BABAM2: variants seen among roughly 807,000 people sequenced by gnomAD.
BABAM2 encodes BRISC and BRCA1 A complex member 2, also known as BRISC and BRCA1-A complex member 2.
Under a neutral mutation model 54.7 loss-of-function variants are expected in BABAM2, and 31 were observed. The ratio of observed to expected loss-of-function variants is 0.57; its 90% CI spans 0.43 to 0.77. The LOEUF is 0.77. BABAM2 is among the 30% of genes least tolerant of loss of function. BABAM2 has a pLI of 0.00. For missense variants in BABAM2, 364 were observed against 455.8 expected (o/e 0.80, Z 1.83); for synonymous variants, 167 against 162.9 (o/e 1.03, Z -0.19).
At position 28,218,937 on chromosome 2, in the gene BABAM2, G is replaced by T. The variant is rs143037086; in HGVS notation, c.681-18265G>T. On this transcript the variant is annotated intron_variant, in intron 7 of 11. Coordinates refer to ENST00000379624, the MANE Select transcript of BABAM2 (RefSeq NM_199191.3). ...CACACACCATTACTGTCATTATTTT[G>T]CTGCATAAACAAAGCCTCATTTCAT... 8.5e-4 allele frequency among the ~76,000 whole-genome samples: 130 copies of T among 152,154 alleles called. 2 individuals carry two copies. In the East Asian group the frequency reaches 0.021, roughly 25 times the overall value.
intron 7 of BABAM2, among the ~76,000 whole-genome samples, chr2:28,175,626 A>G (rs1254655979): frequency 6.6e-6 from 1 of 152,182 alleles, no homozygotes; most frequent in Non-Finnish European, 1.5e-5. Flanking sequence ...GCTAACACAA[A>G]TGTGTGCCAC....
At chr2:28,169,023 T>G (rs192227155) in intron 7 of BABAM2, among the ~76,000 whole-genome samples, 19 of 152,334 alleles carry the variant, frequency 1.2e-4, no homozygotes, top group African/African-American at 4.6e-4. Context: ...TTAGCTCCAG[T>G]ATGTGTTATC....
chr2:28,056,945 T>C (rs1467186582), intron 6 of BABAM2, among the ~76,000 whole-genome samples: 1 of 152,248 alleles, frequency 6.6e-6, no homozygotes, highest in Non-Finnish European at 1.5e-5. Context: ...TATATTTTCC[T>C]CATAAGTCTC....
At chr2:28,203,475 G>A (rs1678496751) in intron 7 of BABAM2, among the ~76,000 whole-genome samples, 1 of 152,150 alleles carries the variant, frequency 6.6e-6, no homozygotes, top group African/African-American at 2.4e-5. Flanking sequence ...TCATCATACT[G>A]GTTAGTTGAT....
chr2:28,326,511 C>T (rs1013040105), intron 11 of BABAM2, among the ~76,000 whole-genome samples: 1 of 152,194 alleles, frequency 6.6e-6, no homozygotes, highest in Non-Finnish European at 1.5e-5. Context: ...TCGTTCCCAG[C>T]CCCAGCCCAG....
intron 4 of BABAM2, chr2:28,015,812 CT>C: frequency 1.0e-6 from 1 of 996,046 alleles, no homozygotes. Context: ...TCTCATGCTT[CT>C]TTTTCTGTTT....
At chr2:28,020,850 T>TC (rs575465541) in intron 4 of BABAM2, among the ~76,000 whole-genome samples, 56 of 151,638 alleles carry the variant, frequency 3.7e-4, no homozygotes, top group Non-Finnish European at 5.3e-4. Flanking sequence ...GTCTATAAAG[T>TC]CCCCCCCGTT....
At position 28,272,780 on chromosome 2, in the gene BABAM2, G is replaced by A. The variant is rs113846275; in HGVS notation, c.935-25558G>A. Among the ~76,000 whole-genome samples the A allele has an allele frequency of 2.7e-3, 409 of 152,292 alleles. 2 individuals carry two copies. The Middle Eastern group carries it at 0.027, about 10-fold the overall frequency. ...CCAAGAAAGCCCACAGTGGGATAGGGACTTCCGAGGGTTCTGTGGGAATCA... is the reference window on the plus strand; with the variant it reads ...CCAAGAAAGCCCACAGTGGGATAGGAACTTCCGAGGGTTCTGTGGGAATCA... On this transcript the variant is annotated intron_variant, in intron 10 of 11. Transcript: ENST00000379624.
chr2:28,276,359 G>T (rs981924730), intron 10 of BABAM2, among the ~76,000 whole-genome samples: 2 of 151,984 alleles, frequency 1.3e-5, no homozygotes, highest in Non-Finnish European at 2.9e-5. Context: ...CTGTGACTCA[G>T]CTCTCATTTA....
chr2:28,110,799 GCGATCCCATTTTACA>G (rs922759159), intron 6 of BABAM2, among the ~76,000 whole-genome samples: 28 of 152,114 alleles, frequency 1.8e-4, no homozygotes, highest in African/African-American at 6.7e-4. Flanking sequence ...TTCCATAGCA[GCGATCCCATTTTACA>G]CTACCCCCAA....
At chr2:28,117,640 G>A (rs1191330114) in intron 6 of BABAM2, among the ~76,000 whole-genome samples, 1 of 152,158 alleles carries the variant, frequency 6.6e-6, no homozygotes, top group Non-Finnish European at 1.5e-5. Context: ...GGGAAATATG[G>A]CAGCTCACCA....
rs1256195728 is a variant in BABAM2 at position 28,139,322 on chromosome 2, A to C, written c.680+9942A>C. 1.2e-4 allele frequency among the ~76,000 whole-genome samples: 13 copies of C among 104,910 alleles called. No homozygotes were observed. The East Asian group carries it at 1.9e-3, about 15-fold the overall frequency. The allele number at this position is 104,910 out of a possible 152,430, so 68.8% of individuals were successfully genotyped here. ...GGCGACAAGAGTGAAACTCCGTCTC[A>C]AAAAAAAAAAAAAAAAAAAAAAAGA... On this transcript the variant is annotated intron_variant, in intron 7 of 11. Transcript: ENST00000379624.
chr2:27,917,263 G>A (rs780339709), intron 2 of BABAM2, among the ~76,000 whole-genome samples: 11 of 152,048 alleles, frequency 7.2e-5, no homozygotes, highest in Non-Finnish European at 1.0e-4. Flanking sequence ...TGATTTGCCC[G>A]CCTCATCCTC....
intron 10 of BABAM2, 142 bp from the exon 11 acceptor site, chr2:28,298,196 A>ACAC: frequency 1.2e-6 from 1 of 866,672 alleles, no homozygotes; most frequent in Non-Finnish European, 1.8e-6. Flanking sequence ...GCCTCTCTAT[A>ACAC]CACCACACCT....
intron 10 of BABAM2, among the ~76,000 whole-genome samples, chr2:28,287,074 A>C (rs1305729278): frequency 2.0e-5 from 3 of 152,210 alleles, no homozygotes; most frequent in African/African-American, 7.2e-5. Context: ...CAAGACAGGA[A>C]TTTAAACTGA....
chr2:27,929,892 T>G lies in BABAM2; in HGVS notation c.189T>G (p.Ala63=), dbSNP rs1667970800. ...GATTTAAACTGCACATACCATATGC[T>G]GGAGAGACATTAAAGTGTAAGTAAA... The part of the protein sequence containing the change: ...CDRFKLHIPY[A]GETLKWDIIF... Residue 63 remains alanine (A), a synonymous_variant, in exon 3 of 12, where the codon GCT becomes GCG. Coordinates refer to ENST00000379624, the MANE Select transcript of BABAM2 (RefSeq NM_199191.3). The G allele has an allele frequency of 6.8e-6, 11 of 1,612,284 alleles. No homozygotes were observed. The highest frequency in any genetic ancestry group is 9.3e-6 in the Non-Finnish European group (11 of 1,178,314).
intron 2 of BABAM2, among the ~76,000 whole-genome samples, chr2:27,895,488 C>G (rs1243186976): frequency 3.3e-5 from 5 of 152,134 alleles, no homozygotes; most frequent in African/African-American, 1.2e-4. Flanking sequence ...AAGTGTAGTA[C>G]AGATGTGTTG....
chr2:28,132,224 C>T (rs999153934), intron 7 of BABAM2, among the ~76,000 whole-genome samples: 9 of 151,408 alleles, frequency 5.9e-5, no homozygotes, highest in African/African-American at 2.2e-4. Context: ...CTGCAAGCTC[C>T]GCCTCCCGGG....
In BABAM2 at chr2:27,894,702, T is replaced by C; in HGVS notation, c.128+18T>C. On this transcript the variant is annotated intron_variant, in intron 2 of 11. Coordinates refer to ENST00000379624, the MANE Select transcript of BABAM2 (RefSeq NM_199191.3). ...AAATCTGGGTATGTACCAGAATGAATTCAGTCAATGTACCAGAACCAATTC... is the reference window on the plus strand; with the variant it reads ...AAATCTGGGTATGTACCAGAATGAACTCAGTCAATGTACCAGAACCAATTC... 6.2e-7 allele frequency: 1 copy of C among 1,613,826 alleles called. No homozygotes were observed. The highest frequency in any genetic ancestry group is 1.1e-5 in the South Asian group (1 of 91,072).
Sources: gnomAD v4.1 joint callset for allele counts (sites outside exome capture counted in the v4.1 genomes callset) on GRCh38, gnomAD v4.1.1 for gene constraint, MANE v1.5 for transcripts, NCBI Gene and HGNC (gene_info 2026-07-23, HGNC 2026-07-21) for gene names.